The following CAMTA1 variants were observed in gnomAD, a reference collection of about 807,000 sequenced individuals.
The protein encoded by CAMTA1 is calmodulin binding transcription activator 1.
Under a neutral mutation model 170.9 loss-of-function variants are expected in CAMTA1, and 27 were observed. The observed-to-expected ratio is 0.16, with a 90% confidence interval of 0.12 to 0.22. The LOEUF is 0.22. Ranked by LOEUF, CAMTA1 falls within the 10% of genes least tolerant of loss-of-function variation. The pLI is 1.00. For missense variants in CAMTA1, 1,619 were observed against 2,217.2 expected (o/e 0.73, Z 5.42); for synonymous variants, 833 against 891.5 (o/e 0.93, Z 1.17).
At chr1:7,660,856 C>T (rs1418963746) in intron 7 of CAMTA1, among the ~76,000 whole-genome samples, 1 of 152,256 alleles carries the variant, frequency 6.6e-6, no homozygotes, top group African/African-American at 2.4e-5. Context: ...CTGAGCCTGG[C>T]CCCACTAGAG....
chr1:7,106,746 T>A (rs1196230363), intron 4 of CAMTA1, among the ~76,000 whole-genome samples: 4 of 152,074 alleles, frequency 2.6e-5, no homozygotes, highest in African/African-American at 9.7e-5. Context: ...CGGTAGGCCT[T>A]CATTTCAGAG....
rs1434542912 is a variant in CAMTA1 at position 7,195,107 on chromosome 1, C to T, written c.303-54384C>T. On this transcript the variant is annotated intron_variant, in intron 4 of 22. Transcript: ENST00000303635. The surrounding 1 kb of genome is among the most constrained non-coding windows in gnomAD (Gnocchi z 4.1). ...AGCCAAACACACAAATAAGCAAACA[C>T]GCACATAAACCACCAACTAACCCAG... Among the ~76,000 whole-genome samples, 7 of 152,152 alleles carry T rather than the reference C, an allele frequency of 4.6e-5. No individual in the cohort carries two copies. Among genetic ancestry groups the T allele is most frequent in the South Asian group, 2.1e-4 (1 of 4,828 alleles).
chr1:7,409,211 A>G (rs1417524704), intron 5 of CAMTA1, among the ~76,000 whole-genome samples: 1 of 152,228 alleles, frequency 6.6e-6, no homozygotes, highest in East Asian at 1.9e-4. Context: ...GTCATCTACT[A>G]GACAATCCCA....
chr1:7,672,535 C>T (rs2096069469), intron 10 of CAMTA1, among the ~76,000 whole-genome samples: 1 of 152,168 alleles, frequency 6.6e-6, no homozygotes, highest in Non-Finnish European at 1.5e-5. Flanking sequence ...GATTCTCTTG[C>T]CTCAGCCTCC....
At chr1:7,073,487 CA>C (rs1307969820) in intron 3 of CAMTA1, among the ~76,000 whole-genome samples, 4 of 151,840 alleles carry the variant, frequency 2.6e-5, no homozygotes, top group African/African-American at 9.7e-5. Flanking sequence ...GAACAAGGCC[CA>C]GGGGAGATTT....
At chr1:6,963,171 C>CCTCCATCT (rs1015133954) in intron 3 of CAMTA1, among the ~76,000 whole-genome samples, 4 of 150,834 alleles carry the variant, frequency 2.7e-5, no homozygotes, top group Admixed American at 2.6e-4. Context: ...CAGGCTCCAG[C>CCTCCATCT]CTCCATCTCT....
chr1:7,434,480 C>G (rs2092284335), intron 5 of CAMTA1, among the ~76,000 whole-genome samples: 1 of 141,958 alleles, frequency 7.0e-6, no homozygotes, highest in South Asian at 2.3e-4. Context: ...TTCATTCATT[C>G]AGATTCAGCA....
At position 7,333,602 on chromosome 1, in the gene CAMTA1, G is replaced by C. The variant is rs1574743543; in HGVS notation, c.438+83976G>C. ...GAAGACAACTTTGTGAAAGGAAAAG[G>C]CTGAGGGGCTTAAATGCTGCTGTCG... On this transcript the variant is annotated intron_variant, in intron 5 of 22. Transcript: ENST00000303635. This position sits in a 1 kb window ranked among gnomAD's most constrained non-coding sequence, Gnocchi z 4.4. Among the ~76,000 whole-genome samples the C allele has an allele frequency of 1.3e-5, 2 of 152,196 alleles. No individual in the cohort carries two copies. The highest frequency in any genetic ancestry group is 4.8e-5 in the African/African-American group (2 of 41,458).
At chr1:6,806,787 A>G (rs1644559194) in intron 1 of CAMTA1, among the ~76,000 whole-genome samples, 1 of 152,250 alleles carries the variant, frequency 6.6e-6, no homozygotes, top group Non-Finnish European at 1.5e-5. Flanking sequence ...ATATATATGA[A>G]TATTTATCAA....
intron 3 of CAMTA1, among the ~76,000 whole-genome samples, chr1:6,839,064 T>C (rs961408470): frequency 6.6e-6 from 1 of 152,100 alleles, no homozygotes; most frequent in Non-Finnish European, 1.5e-5. Flanking sequence ...GCCAACATTA[T>C]GTTTATCGAC....
At position 7,685,785 on chromosome 1, in the gene CAMTA1, G is replaced by A. The variant is rs961301216; in HGVS notation, c.2914+8052G>A. Among the ~76,000 whole-genome samples, 1 of 152,162 alleles carries A rather than the reference G, an allele frequency of 6.6e-6. No individual in the cohort carries two copies. Among genetic ancestry groups the A allele is most frequent in the African/African-American group, 2.4e-5 (1 of 41,422 alleles). ...CATCCATCTAACGGCCTACAGGGCAGCTTGACCCACGTTTCTCTTGGGCAA... is the reference window on the plus strand; with the variant it reads ...CATCCATCTAACGGCCTACAGGGCAACTTGACCCACGTTTCTCTTGGGCAA... On this transcript the variant is annotated intron_variant, in intron 11 of 22. Transcript: ENST00000303635. The surrounding 1 kb of genome is among the most constrained non-coding windows in gnomAD (Gnocchi z 5.7).
intron 5 of CAMTA1, among the ~76,000 whole-genome samples, chr1:7,330,136 A>G (rs1007239728): frequency 6.6e-6 from 1 of 152,068 alleles, no homozygotes; most frequent in African/African-American, 2.4e-5. Flanking sequence ...GAAGGGAGGG[A>G]GAGAAACTTG....
intron 11 of CAMTA1, among the ~76,000 whole-genome samples, chr1:7,723,097 A>C (rs1443741827): frequency 6.6e-6 from 1 of 152,146 alleles, no homozygotes; most frequent in Non-Finnish European, 1.5e-5. Flanking sequence ...CCTCAATAGC[A>C]ATGAACGCTC....
At position 7,534,027 on chromosome 1, in the gene CAMTA1, C is replaced by T. The variant is rs2094521535; in HGVS notation, c.510+66126C>T. Among the ~76,000 whole-genome samples the T allele has an allele frequency of 6.6e-6, 1 of 152,144 alleles. No homozygotes were observed. The highest frequency in any genetic ancestry group is 1.5e-5 in the Non-Finnish European group (1 of 68,014). The stretch of plus-strand genomic sequence containing the variant: ...AAGCCTCATCTACTGTACCTGGAGC[C>T]TTCTCCTGACCCTGAACCCTGCCCT... On this transcript the variant is annotated intron_variant, in intron 6 of 22. Coordinates refer to ENST00000303635, the MANE Select transcript of CAMTA1 (RefSeq NM_015215.4). The surrounding 1 kb of genome is among the most constrained non-coding windows in gnomAD (Gnocchi z 5.6).
chr1:7,562,934 C>A lies in CAMTA1; in HGVS notation c.511-77466C>A, dbSNP rs972662277. Among the ~76,000 whole-genome samples the A allele has an allele frequency of 1.3e-5, 2 of 152,216 alleles. No individual in the cohort carries two copies. Among genetic ancestry groups the A allele is most frequent in the Admixed American group, 1.3e-4 (2 of 15,286 alleles). ...TTAGCCAGAGCTTGGGGCCCACCCA[C>A]CCCAGCTGGTCCTTGAATCTGGATT... On this transcript the variant is annotated intron_variant, in intron 6 of 22. Coordinates refer to ENST00000303635, the MANE Select transcript of CAMTA1 (RefSeq NM_015215.4). The surrounding 1 kb of genome is among the most constrained non-coding windows in gnomAD (Gnocchi z 4.8).
Position 7,177,107 on chromosome 1 carries a change from G to A in CAMTA1, c.303-72384G>A, listed in dbSNP as rs369943692. Reference sequence around the variant, plus strand: ...CACAGAGGCCCCTCCCACACACTGAGGCCCCTCCCACCCATGGAGGCTCCT... The same window carrying A: ...CACAGAGGCCCCTCCCACACACTGAAGCCCCTCCCACCCATGGAGGCTCCT... On this transcript the variant is annotated intron_variant, in intron 4 of 22. Transcript: ENST00000303635. 3.3e-5 allele frequency among the ~76,000 whole-genome samples: 5 copies of A among 151,064 alleles called. No individual in the cohort carries two copies. The South Asian group carries it at 6.3e-4, about 19-fold the overall frequency.
chr1:7,399,387 A>G (rs1294689054), intron 5 of CAMTA1, among the ~76,000 whole-genome samples: 1 of 152,204 alleles, frequency 6.6e-6, no homozygotes, highest in Non-Finnish European at 1.5e-5. Context: ...TGCTTCTAAT[A>G]CAGCCTGTAG....
At chr1:7,290,641 G>A (rs912057991) in intron 5 of CAMTA1, among the ~76,000 whole-genome samples, 13 of 152,054 alleles carry the variant, frequency 8.5e-5, no homozygotes, top group African/African-American at 1.9e-4. Flanking sequence ...TGCTTTCTCC[G>A]CATATAAACT....
intron 3 of CAMTA1, among the ~76,000 whole-genome samples, chr1:7,028,575 C>T (rs1360070754): frequency 6.6e-6 from 1 of 152,198 alleles, no homozygotes; most frequent in Non-Finnish European, 1.5e-5. Flanking sequence ...GTTATCCTTT[C>T]TCCTGATGTT....
Sources: allele counts gnomAD v4.1 joint callset (sites outside exome capture counted in the v4.1 genomes callset), GRCh38; gene constraint gnomAD v4.1.1; non-coding constraint Gnocchi (gnomAD v3.1); transcripts MANE v1.5; gene names NCBI Gene and HGNC (gene_info 2026-07-23, HGNC 2026-07-21).